The following NRG1 variants were observed in gnomAD, a reference collection of about 807,000 sequenced individuals.
NRG1 encodes the protein neuregulin 1.
NRG1 carries 18 observed loss-of-function variants against 63.8 expected under a neutral mutation model. The observed-to-expected ratio is 0.28, with a 90% CI of 0.19 to 0.42. The LOEUF is 0.42. NRG1 is among the 10% of genes least tolerant of loss of function. The pLI is 1.00. For missense variants in NRG1, 762 were observed against 814.7 expected, an observed-to-expected ratio of 0.94 and a Z score of 0.79; for synonymous variants, 302 against 301.3, an observed-to-expected ratio of 1.00 and a Z score of -0.02.
chr8:32,298,449 CA>C (rs1349716657), intron 1 of NRG1, among the ~76,000 whole-genome samples: 1 of 152,104 alleles, frequency 6.6e-6, no homozygotes, highest in Non-Finnish European at 1.5e-5. Context: ...GATATTGTTT[CA>C]ACTATAAAGC....
rs2975500 is a variant in NRG1, at chr8:32,747,847, G to T, written c.691+5114G>T. On this transcript the variant is annotated intron_variant, in intron 7 of 11. Coordinates refer to ENST00000356819, the Ensembl canonical transcript of NRG1. ...CCCCGGAGCTTACAGAGTTTTTCTG[G>T]CTAGTTAACGAGAATACAGTAAATG... is the stretch of plus-strand genomic sequence containing the variant. Among the ~76,000 whole-genome samples, 13 of 150,530 alleles carry T rather than the reference G, an allele frequency of 8.6e-5. No individual in the cohort carries two copies. The East Asian group carries it at 2.6e-3, about 30-fold the overall frequency.
intron 1 of NRG1, among the ~76,000 whole-genome samples, chr8:32,017,554 C>T (rs1815742339): frequency 6.6e-6 from 1 of 152,212 alleles, no homozygotes; most frequent in Non-Finnish European, 1.5e-5. Flanking sequence ...ATGGCAGTCA[C>T]AGGCCCTGGG....
At chr8:31,811,106 T>TG (rs763196944) in intron 1 of NRG1, among the ~76,000 whole-genome samples, 24 of 152,202 alleles carry the variant, frequency 1.6e-4, no homozygotes, top group Non-Finnish European at 3.5e-4. Context: ...ATAAATACCG[T>TG]GGCTGCTAGT....
In NRG1 at chr8:32,595,999, A is replaced by G. The variant is rs879244332; in HGVS notation, c.272A>G (p.Lys91Arg). Reference sequence around the variant, plus strand: ...CCACAAAATATCAAGATACAAAAAAAGCCAGGGTAAGTATAATGCATAAAA... The same window carrying G: ...CCACAAAATATCAAGATACAAAAAAGGCCAGGGTAAGTATAATGCATAAAA... The change falls in exon 2 of 12, where the codon AAG becomes AGG. Residue 91 changes from lysine (K) to arginine (R), a missense_variant. This residue lies in a region of NRG1 where 137 missense variants were observed against 117.7 expected (regional missense o/e 1.16). Coordinates refer to ENST00000356819, the Ensembl canonical transcript of NRG1. 19 of 1,612,892 alleles carry G rather than the reference A, an allele frequency of 1.2e-5. No homozygotes were observed. In the Admixed American group the frequency reaches 2.0e-4, roughly 17 times the overall value.
intron 1 of NRG1, among the ~76,000 whole-genome samples, chr8:32,027,414 CTCCTTCCT>C (rs774505431): frequency 0.011 from 1,215 of 114,098 alleles, 73 homozygotes; most frequent in African/African-American, 0.041. Flanking sequence ...CCTTCCTTCC[CTCCTTCCT>C]TCCTTCCTTC....
At chr8:32,251,351 T>A (rs1344361344) in intron 1 of NRG1, among the ~76,000 whole-genome samples, 1 of 151,108 alleles carries the variant, frequency 6.6e-6, no homozygotes, top group African/African-American at 2.4e-5. Context: ...AATAATAGCT[T>A]TCAGCTTCAT....
intron 1 of NRG1, among the ~76,000 whole-genome samples, chr8:32,250,083 G>A (rs978233): frequency 0.67 from 102,439 of 151,876 alleles, 35,001 homozygotes; most frequent in Admixed American, 0.76. Context: ...ACTCTTTTCC[G>A]GAAGCACAGG....
chr8:31,849,070 C>G (rs1053035493), intron 1 of NRG1, among the ~76,000 whole-genome samples: 1 of 152,172 alleles, frequency 6.6e-6, no homozygotes, highest in Non-Finnish European at 1.5e-5. Flanking sequence ...CAAACCTTTT[C>G]TTTTAAAACA....
rs1826612970 is a variant in NRG1 at position 32,742,622 on chromosome 8, C to T, written c.633-53C>T. ...GAGCTTCTTTCTAGCATATATTCAC[C>T]TCTTCTCTTTTTCTCTGTTTTTCTA... On this transcript the variant is annotated intron_variant, in intron 6 of 11. Coordinates refer to ENST00000356819, the Ensembl canonical transcript of NRG1. This position sits in a 1 kb window ranked among gnomAD's most constrained non-coding sequence, Gnocchi z 4.2. The T allele has an allele frequency of 6.5e-7, 1 of 1,538,748 alleles. No individual in the cohort carries two copies. The highest frequency in any genetic ancestry group is 9.0e-7 in the Non-Finnish European group (1 of 1,113,634).
At chr8:31,972,740 A>G (rs774513169) in intron 1 of NRG1, among the ~76,000 whole-genome samples, 27 of 152,134 alleles carry the variant, frequency 1.8e-4, no homozygotes, top group Non-Finnish European at 3.2e-4. Flanking sequence ...GAATACAGGA[A>G]TGGACTCACT....
chr8:31,757,914 T>G, intron 1 of NRG1, among the ~76,000 whole-genome samples: 1 of 152,034 alleles, frequency 6.6e-6, no homozygotes, highest in East Asian at 1.9e-4. Context: ...TTTCAGAAAA[T>G]TCCTCATGCC....
intron 1 of NRG1, among the ~76,000 whole-genome samples, chr8:31,857,259 GC>G (rs1827993868): frequency 6.6e-6 from 1 of 151,682 alleles, no homozygotes; most frequent in Non-Finnish European, 1.5e-5. Flanking sequence ...CTAGCAATCA[GC>G]AAGACTCCGT....
Position 32,493,240 on chromosome 8 carries a change from T to C in NRG1, c.38-102588T>C, listed in dbSNP as rs563627115. 2.2e-4 allele frequency among the ~76,000 whole-genome samples: 33 copies of C among 152,156 alleles called. No homozygotes were observed. The South Asian group carries it at 3.1e-3, about 14-fold the overall frequency. ...ACAGCAGACTAGTGACTCGCACCCA[T>C]TAGAACAAATGAACTAAGAAACTGA... On this transcript the variant is annotated intron_variant, in intron 1 of 10. Transcript: ENST00000519301.
chr8:32,394,166 T>A (rs1398163967), intron 1 of NRG1, among the ~76,000 whole-genome samples: 4 of 152,216 alleles, frequency 2.6e-5, no homozygotes, highest in Admixed American at 6.5e-5. Flanking sequence ...CCTGCTTTAA[T>A]CTATATCTGG....
At chr8:32,542,224 C>A (rs10503919) in intron 1 of NRG1, among the ~76,000 whole-genome samples, 23,553 of 152,104 alleles carry the variant, frequency 0.15, 2,165 homozygotes, top group Non-Finnish European at 0.19. Flanking sequence ...CATTTTATAA[C>A]CTCACCTTTT....
intron 1 of NRG1, among the ~76,000 whole-genome samples, chr8:31,648,165 G>A (rs1473445910): frequency 1.5e-4 from 15 of 102,738 alleles, no homozygotes; most frequent in African/African-American, 5.3e-4. Flanking sequence ...ACGGAGTTTC[G>A]CTCTGTCGCC....
chr8:32,238,705 C>T (rs1222760153), intron 1 of NRG1, among the ~76,000 whole-genome samples: 2 of 152,100 alleles, frequency 1.3e-5, no homozygotes, highest in African/African-American at 4.8e-5. Context: ...TACTTACATC[C>T]ACTTTTTTTG....
intron 1 of NRG1, among the ~76,000 whole-genome samples, chr8:32,493,398 C>T (rs1365634138): frequency 1.3e-5 from 2 of 152,064 alleles, no homozygotes; most frequent in Non-Finnish European, 2.9e-5. Flanking sequence ...TCAGATGACC[C>T]GCCAAAAACG....
chr8:32,348,415 A>G (rs565373975), intron 1 of NRG1, among the ~76,000 whole-genome samples: 86 of 152,332 alleles, frequency 5.6e-4, no homozygotes, highest in Non-Finnish European at 1.0e-3. Flanking sequence ...GGATGTTTCT[A>G]CAAACATTTA....
Sources: allele counts gnomAD v4.1 joint callset (sites outside exome capture counted in the v4.1 genomes callset), GRCh38; gene constraint gnomAD v4.1.1; regional missense constraint gnomAD v4.1.1; non-coding constraint Gnocchi (gnomAD v3.1); transcripts MANE v1.5; gene names NCBI Gene and HGNC (gene_info 2026-07-23, HGNC 2026-07-21).